Variants in GLIS1 observed in about 807,000 individuals in gnomAD.
GLIS1 encodes zinc finger protein GLIS1.
GLIS1 carries 24 observed loss-of-function variants against 63.8 expected under a neutral mutation model. The observed-to-expected ratio is 0.38, with a 90% CI of 0.27 to 0.53. The LOEUF (loss-of-function observed/expected upper bound fraction) is 0.53. Ranked by LOEUF, GLIS1 falls within the 20% of genes least tolerant of loss-of-function variation. GLIS1 has a pLI of 0.85. For synonymous variants in GLIS1, 450 were observed against 482.5 expected (o/e 0.93, Z 0.88); for missense variants, 1,036 against 1,074.1 (o/e 0.96, Z 0.50).
chr1:53,653,733 T>C (rs749341862), intron 2 of GLIS1, among the ~76,000 whole-genome samples: 1 of 152,076 alleles, frequency 6.6e-6, no homozygotes, highest in Non-Finnish European at 1.5e-5. Context: ...AGGATCAGGG[T>C]GAGACAGACA....
chr1:53,571,874 G>A (rs954957114), intron 4 of GLIS1, among the ~76,000 whole-genome samples: 5 of 152,092 alleles, frequency 3.3e-5, no homozygotes, highest in Non-Finnish European at 5.9e-5. Flanking sequence ...CACCACGCCC[G>A]GCCAAAATCT....
At chr1:53,679,711 G>C (rs1385131450) in intron 2 of GLIS1, among the ~76,000 whole-genome samples, 2 of 152,194 alleles carry the variant, frequency 1.3e-5, no homozygotes, top group Non-Finnish European at 1.5e-5. Context: ...CTCTGAGCAT[G>C]CTTCCTTGGG....
rs1646930754 is a variant in GLIS1, at chr1:53,738,071, G to C, written c.-7C>G. On this transcript the variant is annotated 5_prime_UTR_variant, in exon 2 of 11. Coordinates refer to ENST00000628545, the MANE Select transcript of GLIS1 (RefSeq NM_001367484.1). ...CAGCCACCTCGCAATGCATGGCGCC[G>C]GGGCGGGGCGCACGGCTGGGGGTCG... The C allele has an allele frequency of 6.5e-6, 8 of 1,230,160 alleles. No individual in the cohort carries two copies. The highest frequency in any genetic ancestry group is 7.1e-6 in the Non-Finnish European group (7 of 986,886). The allele number at this position is 1,230,160 out of a possible 1,614,324, so 76.2% of individuals were successfully genotyped here.
chr1:53,506,675 T>C lies in GLIS1; in HGVS notation c.2332A>G (p.Asn778Asp). 1 of 1,613,442 alleles carries C rather than the reference T, an allele frequency of 6.2e-7. No individual in the cohort carries two copies. Among genetic ancestry groups the C allele is most frequent in the Non-Finnish European group, 8.5e-7 (1 of 1,179,948 alleles). The change falls in exon 11 of 11, where the codon AAT becomes GAT. Residue 778 changes from asparagine (N) to aspartate (D), a missense_variant. Physicochemically the swap from Asn to Asp is conservative, Grantham distance 23 (BLOSUM62 1). Coordinates refer to ENST00000628545, the MANE Select transcript of GLIS1 (RefSeq NM_001367484.1). ...SGPEDCGFFP[N>D]GAFDHCLGHI... ...CCCAGGCAGTGGTCAAAGGCTCCAT[T>C]GGGGAAGAAGCCACAGTCCTCGGGG... is the stretch of plus-strand genomic sequence containing the variant.
intron 2 of GLIS1, among the ~76,000 whole-genome samples, chr1:53,736,711 T>C (rs1160765058): frequency 6.6e-6 from 1 of 152,202 alleles, no homozygotes; most frequent in African/African-American, 2.4e-5. Context: ...AGTCAAGTGT[T>C]TTCTTCAAAA....
intron 2 of GLIS1, among the ~76,000 whole-genome samples, chr1:53,677,106 G>T (rs2100415405): frequency 6.6e-6 from 1 of 152,342 alleles, no homozygotes; most frequent in East Asian, 1.9e-4. Flanking sequence ...TACCCTTGAG[G>T]ATGACGCCGG....
At chr1:53,644,202 C>CA (rs1645817692) in intron 2 of GLIS1, among the ~76,000 whole-genome samples, 1 of 152,342 alleles carries the variant, frequency 6.6e-6, no homozygotes, top group East Asian at 1.9e-4. Flanking sequence ...GCTGCCGGGT[C>CA]ACCCTCCCTC....
At chr1:53,699,133 C>T (rs994051447) in intron 2 of GLIS1, among the ~76,000 whole-genome samples, 5 of 151,800 alleles carry the variant, frequency 3.3e-5, no homozygotes, top group Admixed American at 6.6e-5. Context: ...GGCATGATCT[C>T]GGCTCACTGC....
intron 2 of GLIS1, among the ~76,000 whole-genome samples, chr1:53,733,474 C>T (rs112244407): frequency 0.012 from 1,897 of 152,242 alleles, 48 homozygotes; most frequent in African/African-American, 0.043. Flanking sequence ...AACAACTAAG[C>T]CTAAATTAAA....
At chr1:53,565,599 G>T (rs1252245720) in intron 4 of GLIS1, among the ~76,000 whole-genome samples, 2 of 152,002 alleles carry the variant, frequency 1.3e-5, no homozygotes, top group African/African-American at 4.8e-5. Flanking sequence ...TGGTTTTATG[G>T]CAATAAATTT....
intron 4 of GLIS1, among the ~76,000 whole-genome samples, chr1:53,579,009 C>G (rs978419198): frequency 1.3e-5 from 2 of 150,452 alleles, no homozygotes; most frequent in Non-Finnish European, 2.9e-5. Flanking sequence ...GGCACAGAAC[C>G]TACAGTCCAT....
chr1:53,573,307 T>C (rs572696065), intron 4 of GLIS1, among the ~76,000 whole-genome samples: 2 of 152,108 alleles, frequency 1.3e-5, no homozygotes, highest in Non-Finnish European at 2.9e-5. Flanking sequence ...CCTATTTCAA[T>C]AGCTTTCTCC....
At chr1:53,510,387 C>T (rs1644287199) in intron 8 of GLIS1, among the ~76,000 whole-genome samples, 1 of 152,224 alleles carries the variant, frequency 6.6e-6, no homozygotes, top group Non-Finnish European at 1.5e-5. Context: ...TGCTGGCTCA[C>T]CACCGGGCAC....
At chr1:53,721,407 C>T (rs1291209494) in intron 2 of GLIS1, among the ~76,000 whole-genome samples, 1 of 152,122 alleles carries the variant, frequency 6.6e-6, no homozygotes, top group Non-Finnish European at 1.5e-5. Context: ...TGTAAGGCAC[C>T]TGAAGCAAGC....
intron 2 of GLIS1, among the ~76,000 whole-genome samples, chr1:53,730,913 T>TC (rs1646853429): frequency 6.6e-6 from 1 of 152,140 alleles, no homozygotes; most frequent in African/African-American, 2.4e-5. Context: ...CTGTTCTCCC[T>TC]CCCAAGCCCT....
intron 2 of GLIS1, among the ~76,000 whole-genome samples, chr1:53,725,644 A>G (rs1289851371): frequency 6.6e-6 from 1 of 152,212 alleles, no homozygotes; most frequent in Non-Finnish European, 1.5e-5. Flanking sequence ...TTGGTTCTCC[A>G]TGGTGTCCCA....
At chr1:53,513,298 A>G (rs951872790) in intron 8 of GLIS1, among the ~76,000 whole-genome samples, 1 of 151,086 alleles carries the variant, frequency 6.6e-6, no homozygotes, top group African/African-American at 2.4e-5. Context: ...CCCACAGTCC[A>G]CCCCACCCCT....
chr1:53,699,779 T>C (rs1189432685), intron 2 of GLIS1, among the ~76,000 whole-genome samples: 1 of 152,176 alleles, frequency 6.6e-6, no homozygotes. Context: ...TCCCACTGTG[T>C]CCTCACATGG....
chr1:53,600,358 T>TTGCTATACCCCA, intron 2 of GLIS1, 80 bp from the exon 3 acceptor site: 5 of 954,866 alleles, frequency 5.2e-6, no homozygotes, highest in Non-Finnish European at 5.5e-6. Flanking sequence ...GGGCAGTCCC[T>TTGCTATACCCCA]GGGGTACAGC....
Sources: allele counts gnomAD v4.1 joint callset (sites outside exome capture counted in the v4.1 genomes callset), GRCh38; gene constraint gnomAD v4.1.1; transcripts MANE v1.5; gene names NCBI Gene and HGNC (gene_info 2026-07-23, HGNC 2026-07-21).